Variants in FIRRM observed in about 807,000 individuals in gnomAD.
FIRRM encodes FIGNL1-interacting regulator of recombination and mitosis.
the FIRRM span, among the ~76,000 whole-genome samples, chr1:169,801,597 C>CA: frequency 0.066 from 8,151 of 124,214 alleles, 329 homozygotes; most frequent in Non-Finnish European, 0.1. Context: ...ACCCTTAATT[C>CA]AAAAAAAAAA....
At chr1:169,823,342 G>T in the FIRRM span, 2 of 892,546 alleles carry the variant, frequency 2.2e-6, no homozygotes, top group Admixed American at 2.4e-5. Flanking sequence ...GCATACCTTT[G>T]TGAGATTATA....
At chr1:169,802,569 C>A in the FIRRM span, 1 of 1,294,942 alleles carries the variant, frequency 7.7e-7, no homozygotes, top group Non-Finnish European at 1.1e-6. Context: ...TTTGTCTTGT[C>A]TTTTCTAGTG....
chr1:169,826,074 T>C, the FIRRM span: 817 of 49,404 alleles, frequency 0.017, 8 homozygotes, highest in African/African-American at 0.13. Context: ...TTAAAACAAC[T>C]TTTTTTTTCT....
chr1:169,853,951 T>C, the FIRRM span: 2 of 694,860 alleles, frequency 2.9e-6, no homozygotes, highest in East Asian at 2.7e-5. Flanking sequence ...TACAAAACCA[T>C]GGCACTGGAA....
the FIRRM span, among the ~76,000 whole-genome samples, chr1:169,811,868 AT>A: frequency 7.0e-6 from 1 of 143,636 alleles, no homozygotes; most frequent in Admixed American, 7.2e-5. Context: ...AGATAGATAG[AT>A]TAGATAGATA....
chr1:169,826,994 T>C, the FIRRM span: 1 of 1,520,978 alleles, frequency 6.6e-7, no homozygotes, highest in Non-Finnish European at 9.1e-7. Context: ...GTACTTACTC[T>C]ACCTAAAATT....
At chr1:169,795,059 G>A in the FIRRM span, 1 of 1,469,666 alleles carries the variant, frequency 6.8e-7, no homozygotes, top group African/African-American at 1.4e-5. Context: ...TTCCGGTCTG[G>A]GCTTTGGCGG....
chr1:169,847,807 A>ATATTGCTTAACTCTGTTCTTGTAT, the FIRRM span: 184 of 1,523,006 alleles, frequency 1.2e-4, no homozygotes, highest in African/African-American at 2.3e-3. Context: ...TATCCAGGTA[A>ATATTGCTTAACTCTGTTCTTGTAT]TATTGCTTAA....
At chr1:169,852,061 CAT>C in the FIRRM span, 1 of 1,346,036 alleles carries the variant, frequency 7.4e-7, no homozygotes, top group African/African-American at 1.4e-5. Flanking sequence ...TAGATCTAGA[CAT>C]GTAAAATTCT....
At chr1:169,784,733 A>G in the FIRRM span, 1 of 152,256 alleles carries the variant, frequency 6.6e-6, no homozygotes, top group Non-Finnish European at 1.5e-5. Flanking sequence ...CACACACAGA[A>G]CACAAATAGA....
At chr1:169,851,900 T>C in the FIRRM span, 4 of 1,614,086 alleles carry the variant, frequency 2.5e-6, no homozygotes, top group Non-Finnish European at 3.4e-6. Flanking sequence ...CCTTTGCTAA[T>C]GTGACTGTAG....
At chr1:169,784,996 T>C in the FIRRM span, 1 of 152,302 alleles carries the variant, frequency 6.6e-6, no homozygotes, top group African/African-American at 2.4e-5. Context: ...TCTGCCAGTA[T>C]TGGAGAAAAA....
chr1:169,848,928 C>T, the FIRRM span, among the ~76,000 whole-genome samples: 3 of 152,160 alleles, frequency 2.0e-5, no homozygotes, highest in African/African-American at 7.2e-5. Context: ...TTTATCCATT[C>T]GGGAAAGATT....
chr1:169,841,711 T>C, the FIRRM span, among the ~76,000 whole-genome samples: 1 of 152,118 alleles, frequency 6.6e-6, no homozygotes, highest in African/African-American at 2.4e-5. Context: ...ACAGGAAAAA[T>C]AAAAATCTAG....
At chr1:169,852,836 A>G in the FIRRM span, 1 of 1,614,154 alleles carries the variant, frequency 6.2e-7, no homozygotes, top group Admixed American at 1.7e-5. Flanking sequence ...GAAGAAGAGT[A>G]CAGGTCAGCG....
chr1:169,849,818 C>A, the FIRRM span: 1 of 552,374 alleles, frequency 1.8e-6, no homozygotes, highest in South Asian at 2.1e-5. Flanking sequence ...TAAACAAGGA[C>A]CAGAACAGGC....
At chr1:169,807,884 T>C in the FIRRM span, 2 of 1,610,236 alleles carry the variant, frequency 1.2e-6, no homozygotes, top group Non-Finnish European at 1.7e-6. Flanking sequence ...TCTCCTTCCA[T>C]TCTTGTTTAC....
the FIRRM span, chr1:169,853,814 T>C: frequency 4.4e-6 from 7 of 1,590,292 alleles, no homozygotes; most frequent in African/African-American, 9.6e-5. Context: ...CTGAAACAAA[T>C]CATATGCAAA....
the FIRRM span, chr1:169,795,820 C>T: frequency 1.5e-5 from 15 of 973,986 alleles, no homozygotes; most frequent in African/African-American, 1.1e-4. Context: ...TCTCACTCCT[C>T]TCACCCAGGC....
Sources: gnomAD v4.1 joint callset for allele counts (sites outside exome capture counted in the v4.1 genomes callset) on GRCh38, gnomAD v4.1.1 for gene constraint, MANE v1.5 for transcripts, NCBI Gene and HGNC (gene_info 2026-07-23, HGNC 2026-07-21) for gene names.